Variants in OXSM observed in about 807,000 individuals in gnomAD.
OXSM encodes the protein 3-oxoacyl-[acyl-carrier-protein] synthase, mitochondrial.
Under a neutral mutation model 29.2 loss-of-function variants are expected in OXSM, and 19 were observed. The observed-to-expected ratio is 0.65, with a 90% CI of 0.45 to 0.96. OXSM has a LOEUF of 0.96. OXSM is among the 40% of genes least tolerant of loss of function. The pLI is 0.00. For missense variants in OXSM, 554 were observed against 551.3 expected (o/e 1.00, Z -0.05); for synonymous variants, 178 against 197.1 (o/e 0.90, Z 0.81).
Position 25,794,508 on chromosome 3 carries a change from T to C in OXSM, c.*14T>C, listed in dbSNP as rs760869142. On this transcript the variant is annotated 3_prime_UTR_variant, in exon 3 of 3. Coordinates refer to ENST00000280701, the MANE Select transcript of OXSM (RefSeq NM_017897.3). Reference sequence around the variant, plus strand: ...GCTGGACTGTAGAACATATAATTTGTAATTAAATACTGATTTTTAAATGCT... The same window carrying C: ...GCTGGACTGTAGAACATATAATTTGCAATTAAATACTGATTTTTAAATGCT... 4 of 1,533,674 alleles carry C rather than the reference T, an allele frequency of 2.6e-6. No homozygotes were observed. In the South Asian group the frequency reaches 3.6e-5, roughly 14 times the overall value.
At position 25,794,325 on chromosome 3, in the gene OXSM, A is replaced by C. The variant is rs760378867; in HGVS notation, c.1211A>C (p.Tyr404Ser). The change falls in exon 3 of 3, where the codon TAT becomes TCT. Residue 404 changes from tyrosine to serine, a missense_variant. Physicochemically the swap from Tyr to Ser is moderately radical, Grantham distance 144. Transcript: ENST00000280701. Reference sequence around the variant, plus strand: ...GCTTTTACCACATTAGCTTGTTATTATCAAAAACTACCACCTACTTTAAAC... The same window carrying C: ...GCTTTTACCACATTAGCTTGTTATTCTCAAAAACTACCACCTACTTTAAAC... ...EAAFTTLACY[Y>S]QKLPPTLNLD... 2.4e-5 allele frequency: 39 copies of C among 1,614,102 alleles called. No homozygotes were observed. The highest frequency in any genetic ancestry group is 3.2e-5 in the Non-Finnish European group (38 of 1,180,046).
chr3:25,791,751 C>T lies in OXSM; in HGVS notation c.731C>T (p.Ser244Phe), dbSNP rs1381245443. 6.2e-7 allele frequency: 1 copy of T among 1,614,046 alleles called. No individual in the cohort carries two copies. Among genetic ancestry groups the T allele is most frequent in the African/African-American group, 1.3e-5 (1 of 74,912 alleles). The change falls in exon 2 of 3, where the codon TCT becomes TTT. Residue 244 changes from serine to phenylalanine, a missense_variant. Coordinates refer to ENST00000280701, the MANE Select transcript of OXSM (RefSeq NM_017897.3). ...GGTDSCISPL[S>F]LAGFSRARAL... ...ACAGATTCTTGTATTAGCCCTTTAT[C>T]TCTTGCTGGGTTTTCCAGAGCCCGG...
In OXSM at chr3:25,791,870, G is replaced by T. The variant is rs1301032030; in HGVS notation, c.850G>T (p.Val284Leu). Residue 284 changes from valine to leucine, a missense_variant, in exon 2 of 3, where the codon GTG (valine) becomes TTG (leucine). Physicochemically the swap from Val to Leu is conservative, Grantham distance 32 (BLOSUM62 1). Coordinates refer to ENST00000280701, the MANE Select transcript of OXSM (RefSeq NM_017897.3). ...FVMGEGAAVL[V>L]LEEYEHAVQR... ...AATGGGAGAAGGTGCAGCTGTGCTG[G>T]TGCTGGAAGAATATGAACATGCTGT... 6.2e-7 allele frequency: 1 copy of T among 1,612,740 alleles called. No individual in the cohort carries two copies. The highest frequency in any genetic ancestry group is 1.7e-5 in the Admixed American group (1 of 60,028).
intron 2 of OXSM, among the ~76,000 whole-genome samples, chr3:25,792,682 T>C (rs773658652): frequency 2.0e-5 from 3 of 152,110 alleles, no homozygotes; most frequent in Non-Finnish European, 4.4e-5. Context: ...GGGTTTCACT[T>C]TATTTCCCAG....
At chr3:25,790,806 TAAA>T (rs1708725255) in intron 1 of OXSM, 181 bp from the exon 2 acceptor site, 2 of 483,186 alleles carry the variant, frequency 4.1e-6, no homozygotes, top group South Asian at 7.4e-5. Context: ...ACTTAAGGTC[TAAA>T]AAAGAAGGTA....
rs754833833 is a variant in OXSM at position 25,791,358 on chromosome 3, A to G, written c.338A>G (p.Lys113Arg). ...AACTTTGTGTCCAAATCAGATATCA[A>G]GTCCATGTCTTCTCCCACCATCATG... ...EQNFVSKSDIKSMSSPTIMAI... is the reference protein window; with the variant it reads ...EQNFVSKSDIRSMSSPTIMAI... Residue 113 changes from lysine (K) to arginine (R), a missense_variant, in exon 2 of 3, where the codon AAG becomes AGG. Lys to Arg is a conservative substitution (Grantham distance 26, BLOSUM62 2). Coordinates refer to ENST00000280701, the MANE Select transcript of OXSM (RefSeq NM_017897.3). 4.3e-6 allele frequency: 7 copies of G among 1,614,080 alleles called. No individual in the cohort carries two copies. Among genetic ancestry groups the G allele is most frequent in the African/African-American group, 2.7e-5 (2 of 74,928 alleles).
At chr3:25,793,397 T>G (rs1014016153) in intron 2 of OXSM, among the ~76,000 whole-genome samples, 1 of 152,214 alleles carries the variant, frequency 6.6e-6, no homozygotes, top group African/African-American at 2.4e-5. Flanking sequence ...TTCAGCATAC[T>G]TCAAATTATA....
Position 25,794,077 on chromosome 3 carries a change from T to G in OXSM, c.978-15T>G, listed in dbSNP as rs760072642. ...TAAACTTAGTCCTGATAAATGTCTT[T>G]TCTTGTTTTATTAGGTGTATGGCTG... On this transcript the variant is annotated splice_polypyrimidine_tract_variant and intron_variant, in intron 2 of 2. Coordinates refer to ENST00000280701, the MANE Select transcript of OXSM (RefSeq NM_017897.3). 8.2e-6 allele frequency: 13 copies of G among 1,586,700 alleles called. No homozygotes were observed. The South Asian group carries it at 1.2e-4, about 14-fold the overall frequency.
At chr3:25,792,746 C>T (rs906871038) in intron 2 of OXSM, among the ~76,000 whole-genome samples, 2 of 152,040 alleles carry the variant, frequency 1.3e-5, no homozygotes, top group Non-Finnish European at 2.9e-5. Context: ...GGTTTAAGGA[C>T]TACATTTAAG....
Position 25,794,222 on chromosome 3 carries a change from C to A in OXSM, c.1108C>A (p.His370Asn). 1 of 1,614,254 alleles carries A rather than the reference C, an allele frequency of 6.2e-7. No individual in the cohort carries two copies. The change falls in exon 3 of 3, where the codon CAT becomes AAT. Residue 370 changes from histidine to asparagine, a missense_variant. His to Asn is a moderately conservative substitution (Grantham distance 68). Transcript: ENST00000280701. ...AGCTATCAAACATCTCTTCAAAGACCATGCATATGCCCTTGCAGTTTCCTC... is the reference window on the plus strand; with the variant it reads ...AGCTATCAAACATCTCTTCAAAGACAATGCATATGCCCTTGCAGTTTCCTC... ...NKAIKHLFKD[H>N]AYALAVSSTK...
In OXSM at chr3:25,791,094, TAAG is replaced by T. The variant is rs1267149864; in HGVS notation, c.78_80del (p.Arg26del). ...CTATGTTCAAGATTATGCCAACAGT[TAAG>T]AAGTAAAAGGAAGTTTTTCGGAACT... On this transcript the variant is annotated inframe_deletion, in exon 2 of 3. Coordinates refer to ENST00000280701, the MANE Select transcript of OXSM (RefSeq NM_017897.3). 2 of 1,614,140 alleles carry T rather than the reference TAAG, an allele frequency of 1.2e-6. No individual in the cohort carries two copies. The highest frequency in any genetic ancestry group is 1.3e-5 in the African/African-American group (1 of 75,038).
Position 25,791,530 on chromosome 3 carries a change from A to G in OXSM, c.510A>G (p.Lys170=). The part of the protein sequence containing the change: ...VSETALNFQT[K]GYNKVSPFFV... ...AAACTGCTTTGAATTTTCAGACAAA[A>G]GGTTACAATAAAGTTAGCCCATTTT... Residue 170 remains lysine (K), a synonymous_variant, in exon 2 of 3, where the codon AAA becomes AAG. Transcript: ENST00000280701. 6.2e-7 allele frequency: 1 copy of G among 1,614,224 alleles called. No individual in the cohort carries two copies. The highest frequency in any genetic ancestry group is 2.2e-5 in the East Asian group (1 of 44,888).
chr3:25,792,999 G>A (rs190679129), intron 2 of OXSM, among the ~76,000 whole-genome samples: 4 of 152,286 alleles, frequency 2.6e-5, no homozygotes, highest in Admixed American at 1.3e-4. Context: ...GAAAGCAGCC[G>A]TAGACAGTAT....
intron 2 of OXSM, among the ~76,000 whole-genome samples, chr3:25,793,086 T>C (rs1430276412): frequency 6.6e-6 from 1 of 152,246 alleles, no homozygotes; most frequent in Non-Finnish European, 1.5e-5. Flanking sequence ...ATAGTTTACC[T>C]ACCCCTAAAT....
chr3:25,791,449 A>G lies in OXSM; in HGVS notation c.429A>G (p.Gln143=), dbSNP rs774084673. 14 of 1,614,110 alleles carry G rather than the reference A, an allele frequency of 8.7e-6. No individual in the cohort carries two copies. In the South Asian group the frequency reaches 1.1e-4, roughly 13 times the overall value. The change falls in exon 2 of 3, where the codon CAA becomes CAG. Residue 143 remains glutamine (Q), a synonymous_variant. Transcript: ENST00000280701. ...GGCATCCTCAGTCAGAAGCTGATCA[A>G]GTGGCTACTGGTGTTGCAATTGGCA... ...SGWHPQSEAD[Q]VATGVAIGMG...
In OXSM at chr3:25,790,296, G is replaced by A. The variant is rs1335510489; in HGVS notation, c.-32+149G>A. Reference sequence around the variant, plus strand: ...CTTCTTCGGGCTGTGTACATGTGTGGTGGTGCCTGAGAGGCGATACAGGGA... The same window carrying A: ...CTTCTTCGGGCTGTGTACATGTGTGATGGTGCCTGAGAGGCGATACAGGGA... On this transcript the variant is annotated intron_variant, in intron 1 of 2. Transcript: ENST00000280701. The A allele has an allele frequency of 5.1e-5, 14 of 276,942 alleles. No homozygotes were observed. In the East Asian group the frequency reaches 1.1e-3, roughly 21 times the overall value. The allele number at this position is 276,942 out of a possible 1,614,324, so 17.2% of individuals were successfully genotyped here.
At chr3:25,792,169 C>T (rs1708773071) in intron 2 of OXSM, among the ~76,000 whole-genome samples, 172 bp downstream of exon 2, 1 of 152,112 alleles carries the variant, frequency 6.6e-6, no homozygotes, top group African/African-American at 2.4e-5. Context: ...TGAAGTATTT[C>T]AAAGCATTTG....
rs956773341 is a variant in OXSM, at chr3:25,794,393, C to T, written c.1279C>T (p.Leu427=). ...EPEFDLNYVP[L]KAQEWKTEKR... is the part of the protein sequence containing the mutation. ...AGAATTTGATCTCAACTATGTTCCA[C>T]TAAAGGCACAGGAATGGAAAACTGA... The change falls in exon 3 of 3, where the codon CTA becomes TTA. Residue 427 remains leucine (L), a synonymous_variant. Transcript: ENST00000280701. 3.1e-6 allele frequency: 5 copies of T among 1,613,990 alleles called. No individual in the cohort carries two copies. The highest frequency in any genetic ancestry group is 2.5e-6 in the Non-Finnish European group (3 of 1,179,970).
chr3:25,791,515 G>C lies in OXSM; in HGVS notation c.495G>C (p.Leu165Phe). The C allele has an allele frequency of 6.2e-7, 1 of 1,614,166 alleles. No individual in the cohort carries two copies. Among genetic ancestry groups the C allele is most frequent in the Non-Finnish European group, 8.5e-7 (1 of 1,180,026 alleles). Residue 165 changes from leucine to phenylalanine, a missense_variant, in exon 2 of 3, where the codon TTG becomes TTC. Transcript: ENST00000280701. The stretch of plus-strand genomic sequence containing the variant: ...TTGAAGTTGTTTCTGAAACTGCTTT[G>C]AATTTTCAGACAAAAGGTTACAATA... ...IPLEVVSETA[L>F]NFQTKGYNKV...
Sources: allele counts gnomAD v4.1 joint callset (sites outside exome capture counted in the v4.1 genomes callset), GRCh38; gene constraint gnomAD v4.1.1; transcripts MANE v1.5; gene names NCBI Gene and HGNC (gene_info 2026-07-23, HGNC 2026-07-21).